The following IFNLR1 variants were observed in gnomAD, a reference collection of about 807,000 sequenced individuals.
IFNLR1 encodes the protein CRF2-12.
Under a neutral mutation model 52.5 loss-of-function variants are expected in IFNLR1, and 28 were observed. The observed-to-expected ratio is 0.53, with a 90% CI of 0.40 to 0.73. The LOEUF (loss-of-function observed/expected upper bound fraction) is 0.73. IFNLR1 is among the 30% of genes least tolerant of loss of function. IFNLR1 has a pLI of 0.00. For synonymous variants in IFNLR1, 276 were observed against 274.9 expected (o/e 1.00, Z -0.04); for missense variants, 623 against 659.1 (o/e 0.95, Z 0.60).
At chr1:24,163,640 C>A (rs1320369049) in intron 3 of IFNLR1, among the ~76,000 whole-genome samples, 1 of 150,084 alleles carries the variant, frequency 6.7e-6, no homozygotes, top group Non-Finnish European at 1.5e-5. Context: ...AGTGCAATGG[C>A]GTGATCTCGG....
At chr1:24,179,413 T>G (rs756808683) in intron 2 of IFNLR1, among the ~76,000 whole-genome samples, 8 of 152,260 alleles carry the variant, frequency 5.3e-5, no homozygotes, top group Non-Finnish European at 1.2e-4. Context: ...TTAAGTTCAT[T>G]ACATGTGTTG....
At chr1:24,179,756 C>T (rs1396007792) in intron 2 of IFNLR1, among the ~76,000 whole-genome samples, 1 of 152,194 alleles carries the variant, frequency 6.6e-6, no homozygotes, top group African/African-American at 2.4e-5. Flanking sequence ...GGGCCCTTAG[C>T]ACTTGGCCTG....
chr1:24,182,745 C>T (rs1422782772), intron 1 of IFNLR1, among the ~76,000 whole-genome samples: 1 of 152,038 alleles, frequency 6.6e-6, no homozygotes, highest in African/African-American at 2.4e-5. Context: ...CATGGTGAAA[C>T]CCTGTCTCTA....
chr1:24,172,018 C>T (rs941228433), intron 2 of IFNLR1, among the ~76,000 whole-genome samples: 4 of 151,902 alleles, frequency 2.6e-5, no homozygotes, highest in Admixed American at 6.6e-5. Flanking sequence ...TTGCCTAGGC[C>T]GGTCTCAAAC....
chr1:24,158,545 C>T (rs527278483), intron 6 of IFNLR1, among the ~76,000 whole-genome samples: 1 of 152,332 alleles, frequency 6.6e-6, no homozygotes, highest in South Asian at 2.1e-4. Flanking sequence ...CCCCTGCCAG[C>T]CCTCATCTGA....
chr1:24,182,568 C>T (rs766126463), intron 1 of IFNLR1, among the ~76,000 whole-genome samples: 1 of 152,134 alleles, frequency 6.6e-6, no homozygotes, highest in East Asian at 1.9e-4. Context: ...GGTGTGCTTA[C>T]ATGTTAATAA....
chr1:24,159,942 G>T (rs1037764395), intron 4 of IFNLR1, among the ~76,000 whole-genome samples: 12 of 152,050 alleles, frequency 7.9e-5, no homozygotes, highest in Non-Finnish European at 1.3e-4. Context: ...TATAGGCAAG[G>T]TCTTGCTGTT....
chr1:24,157,212 C>T lies in IFNLR1; in HGVS notation c.1481G>A (p.Ser494Asn). Residue 494 changes from serine (S) to asparagine (N), a missense_variant, in exon 7 of 7, where the codon AGC (serine) becomes AAC (asparagine). Transcript: ENST00000327535. The surrounding 1 kb of genome is among the most constrained non-coding windows in gnomAD (Gnocchi z 5.1). ...CTCAGCCCCCCAGCTGCCCGCATCG[C>T]TGTCCTCAATTTCTGATTCCCTCGC... ...EEARESEIED[S>N]DAGSWGAEST... is the part of the protein sequence containing the mutation. 1.9e-6 allele frequency: 3 copies of T among 1,614,212 alleles called. No individual in the cohort carries two copies. Among genetic ancestry groups the T allele is most frequent in the Non-Finnish European group, 2.5e-6 (3 of 1,180,040 alleles).
chr1:24,180,621 A>T, intron 2 of IFNLR1, 110 bp downstream of exon 2: 1 of 1,067,858 alleles, frequency 9.4e-7, no homozygotes. Flanking sequence ...TAGGGCCCAG[A>T]GAGCTAGCCA....
intron 4 of IFNLR1, 127 bp downstream of exon 4, chr1:24,161,415 G>T: frequency 9.6e-7 from 1 of 1,040,324 alleles, no homozygotes; most frequent in Non-Finnish European, 1.4e-6. Flanking sequence ...ACTGCCAGAA[G>T]TCAGGAGTGT....
At chr1:24,163,323 G>A (rs980651734) in intron 3 of IFNLR1, among the ~76,000 whole-genome samples, 72 of 152,166 alleles carry the variant, frequency 4.7e-4, no homozygotes, top group East Asian at 2.1e-3. Context: ...TGGGGGCAGC[G>A]TTCTTAAGGA....
intron 2 of IFNLR1, among the ~76,000 whole-genome samples, chr1:24,171,339 C>A (rs1363607254): frequency 6.6e-6 from 1 of 152,128 alleles, no homozygotes; most frequent in Non-Finnish European, 1.5e-5. Context: ...ATTGGTTGAA[C>A]CACATGTGAA....
At chr1:24,162,118 C>G (rs1207145563) in intron 3 of IFNLR1, among the ~76,000 whole-genome samples, 1 of 152,218 alleles carries the variant, frequency 6.6e-6, no homozygotes, top group Non-Finnish European at 1.5e-5. Flanking sequence ...TCCAGGTGGG[C>G]TCAGCTGGTT....
chr1:24,168,826 C>T (rs578059713), intron 3 of IFNLR1, among the ~76,000 whole-genome samples: 4 of 152,294 alleles, frequency 2.6e-5, no homozygotes, highest in South Asian at 2.1e-4. Context: ...TCACTGCAAC[C>T]TCCGCCTCCT....
rs1429588776 is a variant in IFNLR1, at chr1:24,159,065, A to C, written c.788T>G (p.Met263Arg). ...MGNPWFQRAK[M>R]PRALDFSGHT... ...GATTTGCTATACCAGGGCCCGTGGC[A>C]TCTTTGCCCGCTGAAACCAGGGGTT... The change falls in exon 6 of 7, where the codon ATG (methionine) becomes AGG (arginine). Residue 263 changes from methionine to arginine, a missense_variant. By Grantham distance (91) the Met-to-Arg change is moderately conservative. Coordinates refer to ENST00000327535, the MANE Select transcript of IFNLR1 (RefSeq NM_170743.4). 1 of 1,613,964 alleles carries C rather than the reference A, an allele frequency of 6.2e-7. No individual in the cohort carries two copies. The highest frequency in any genetic ancestry group is 8.5e-7 in the Non-Finnish European group (1 of 1,180,018).
At chr1:24,163,384 T>C (rs1644484984) in intron 3 of IFNLR1, among the ~76,000 whole-genome samples, 1 of 152,182 alleles carries the variant, frequency 6.6e-6, no homozygotes, top group South Asian at 2.1e-4. Flanking sequence ...CAATGATGAT[T>C]AAATGTCAAC....
chr1:24,159,485 A>G lies in IFNLR1; in HGVS notation c.659T>C (p.Leu220Pro). The change falls in exon 5 of 7, where the codon CTG (leucine) becomes CCG (proline). Residue 220 changes from leucine to proline, a missense_variant. Coordinates refer to ENST00000327535, the MANE Select transcript of IFNLR1 (RefSeq NM_170743.4). Reference protein sequence around the residue: ...SKFSKPTCFLLEVPEANWAFL... With the variant: ...SKFSKPTCFLPEVPEANWAFL... ...CACTTGATACCCACCTGGGACCTCC[A>G]GCAAGAAGCAGGTGGGCTTAGAGAA... The G allele has an allele frequency of 6.2e-7, 1 of 1,614,166 alleles. No individual in the cohort carries two copies.
intron 5 of IFNLR1, 131 bp downstream of exon 5, chr1:24,159,343 C>T (rs975732455): frequency 1.6e-6 from 2 of 1,240,326 alleles, no homozygotes; most frequent in Admixed American, 2.0e-5. Context: ...TGTAAGCTGC[C>T]CAAAGACACA....
At chr1:24,170,665 G>A (rs1644570036) in intron 2 of IFNLR1, among the ~76,000 whole-genome samples, 1 of 152,214 alleles carries the variant, frequency 6.6e-6, no homozygotes, top group African/African-American at 2.4e-5. Flanking sequence ...GGCCTAACAT[G>A]TTTTTACAAG....
Sources: allele counts gnomAD v4.1 joint callset (sites outside exome capture counted in the v4.1 genomes callset), GRCh38; gene constraint gnomAD v4.1.1; non-coding constraint Gnocchi (gnomAD v3.1); transcripts MANE v1.5; gene names NCBI Gene and HGNC (gene_info 2026-07-23, HGNC 2026-07-21).